Variants in MTOR observed in about 807,000 individuals in gnomAD.
MTOR encodes mechanistic target of rapamycin kinase, also known as serine/threonine-protein kinase mTOR.
MTOR carries 70 observed loss-of-function variants against 319.8 expected under a neutral mutation model. That is an observed-to-expected ratio of 0.22 (90% confidence interval 0.18 to 0.27). MTOR has a LOEUF of 0.27. Among genes scored for constraint, MTOR ranks in the 10% least tolerant of loss-of-function variants. The probability of loss-of-function intolerance (pLI) is 1.00; values close to 1 mark genes in which losing one functional copy is unlikely to be tolerated. For synonymous variants in MTOR, 1,183 were observed against 1,211.4 expected, an observed-to-expected ratio of 0.98 and a Z score of 0.49; for missense variants, 1,890 against 3,274.4, an observed-to-expected ratio of 0.58 and a Z score of 10.32.
intron 34 of MTOR, among the ~76,000 whole-genome samples, chr1:11,141,082 G>C (rs1200671166): frequency 2.7e-5 from 4 of 150,824 alleles, no homozygotes; most frequent in Non-Finnish European, 1.5e-5. Flanking sequence ...AGTATACACA[G>C]AAGGGGAAAT....
chr1:11,247,582 T>C (rs1649016502), intron 8 of MTOR, 43 bp downstream of exon 8: 2 of 1,573,522 alleles, frequency 1.3e-6, no homozygotes, highest in Non-Finnish European at 1.7e-6. Context: ...TGTTCCCTGT[T>C]TACCCTGAGA....
intron 28 of MTOR, among the ~76,000 whole-genome samples, chr1:11,197,017 G>A (rs1645809737): frequency 6.6e-6 from 1 of 152,066 alleles, no homozygotes; most frequent in African/African-American, 2.4e-5. Flanking sequence ...ATAAGAGTAG[G>A]AAAAATAAAA....
chr1:11,211,481 C>T (rs977125218), intron 23 of MTOR, among the ~76,000 whole-genome samples: 3 of 152,122 alleles, frequency 2.0e-5, no homozygotes, highest in African/African-American at 7.2e-5. Context: ...GATCCCTCTG[C>T]CTTAGCCTCC....
rs1162778859 is a variant in MTOR, at chr1:11,114,804, T to TCCAG, written c.7164+8_7164+9insCTGG. On this transcript the variant is annotated intron_variant, in intron 52 of 57. Transcript: ENST00000361445. ...ATTTGGAAGCAGCTCGTTCCCGATA[T>TCCAG]CCACTCACCTCCATAGCATTGGTCA... 1 of 1,613,774 alleles carries TCCAG rather than the reference T, an allele frequency of 6.2e-7. No homozygotes were observed. The highest frequency in any genetic ancestry group is 1.7e-5 in the Admixed American group (1 of 60,022).
At chr1:11,169,501 T>C (rs1163450928) in intron 28 of MTOR, among the ~76,000 whole-genome samples, 2 of 152,172 alleles carry the variant, frequency 1.3e-5, no homozygotes, top group Admixed American at 6.5e-5. Flanking sequence ...ATGGGGTTTT[T>C]CCCCATGTCA....
At chr1:11,143,098 G>A (rs963376272) in intron 34 of MTOR, among the ~76,000 whole-genome samples, 2 of 152,102 alleles carry the variant, frequency 1.3e-5, no homozygotes, top group African/African-American at 4.8e-5. Context: ...CAATGATTTC[G>A]AAAGTTAAAA....
intron 11 of MTOR, among the ~76,000 whole-genome samples, chr1:11,240,018 T>C (rs962952192): frequency 6.6e-6 from 1 of 151,918 alleles, no homozygotes; most frequent in Non-Finnish European, 1.5e-5. Context: ...TACAAAGAAG[T>C]GGAAAAGTGA....
At position 11,199,421 on chromosome 1, in the gene MTOR, C is replaced by T; in HGVS notation, c.4108-18G>A. 6.2e-7 allele frequency: 1 copy of T among 1,614,146 alleles called. No individual in the cohort carries two copies. Among genetic ancestry groups the T allele is most frequent in the Non-Finnish European group, 8.5e-7 (1 of 1,180,022 alleles). On this transcript the variant is annotated intron_variant, in intron 27 of 57. Transcript: ENST00000361445. The surrounding 1 kb of genome is among the most constrained non-coding windows in gnomAD (Gnocchi z 4.5). ...AGGGGGCCCTGGAGAAGAGCAAAAC[C>T]TCACAGCACAGGAAAATGGCAGATG...
intron 28 of MTOR, among the ~76,000 whole-genome samples, chr1:11,187,134 T>G (rs898682669): frequency 2.6e-5 from 4 of 152,190 alleles, no homozygotes; most frequent in Non-Finnish European, 5.9e-5. Context: ...GGTGAGCTAC[T>G]GGGAAGAATA....
intron 14 of MTOR, 59 bp from the exon 15 acceptor site, chr1:11,233,546 T>C: frequency 7.5e-7 from 1 of 1,340,832 alleles, no homozygotes; most frequent in Non-Finnish European, 1.1e-6. Flanking sequence ...AAACCTTTCT[T>C]TTATATAAGT....
intron 24 of MTOR, 91 bp from the exon 25 acceptor site, chr1:11,209,549 G>A: frequency 6.9e-7 from 1 of 1,446,466 alleles, no homozygotes; most frequent in Non-Finnish European, 9.4e-7. Flanking sequence ...GTGCAGACCT[G>A]GTAGAGCCAG....
chr1:11,109,184 C>G lies in MTOR; in HGVS notation c.7528+106G>C. The G allele has an allele frequency of 1.1e-6, 1 of 944,912 alleles. No individual in the cohort carries two copies. The highest frequency in any genetic ancestry group is 1.6e-6 in the Non-Finnish European group (1 of 609,674). The allele number at this position is 944,912 out of a possible 1,614,324, so 58.5% of individuals were successfully genotyped here. A position where few individuals can be genotyped will look rare whatever the true frequency, so the allele number is the denominator to read the frequency against. On this transcript the variant is annotated intron_variant, in intron 56 of 57. Coordinates refer to ENST00000361445, the MANE Select transcript of MTOR (RefSeq NM_004958.4). The surrounding 1 kb of genome is among the most constrained non-coding windows in gnomAD (Gnocchi z 4.0). ...GACACTCTTTGTCAGCTGCATGGTG[C>G]CAAAGCTCGTCACTAACACCACTGG...
At chr1:11,110,650 C>T (rs1218349458) in intron 54 of MTOR, among the ~76,000 whole-genome samples, 1 of 152,140 alleles carries the variant, frequency 6.6e-6, no homozygotes, top group Non-Finnish European at 1.5e-5. Flanking sequence ...CCTGCCTGGG[C>T]CTCCCAAAGT....
At chr1:11,146,618 C>G (rs1188767159) in intron 32 of MTOR, 58 bp downstream of exon 32, 2 of 1,370,480 alleles carry the variant, frequency 1.5e-6, no homozygotes, top group African/African-American at 2.8e-5. Flanking sequence ...GCACCGTGGG[C>G]TTAGAAGCAC....
At position 11,212,477 on chromosome 1, in the gene MTOR, A is replaced by G. The variant is rs1646343088; in HGVS notation, c.3399-3T>C. 1.1e-5 allele frequency: 17 copies of G among 1,611,936 alleles called. No individual in the cohort carries two copies. The highest frequency in any genetic ancestry group is 1.3e-5 in the African/African-American group (1 of 74,922). ...GGTCCACAGTCTCTAGCGCTGCCCT[A>G]CAACAATCACTAACATACAGTAACT... On this transcript the variant is annotated splice_polypyrimidine_tract_variant and splice_region_variant and intron_variant, in intron 22 of 57. Transcript: ENST00000361445. The surrounding 1 kb of genome is among the most constrained non-coding windows in gnomAD (Gnocchi z 4.1).
At chr1:11,200,956 A>G (rs1450061126) in intron 26 of MTOR, among the ~76,000 whole-genome samples, 2 of 151,680 alleles carry the variant, frequency 1.3e-5, no homozygotes, top group South Asian at 4.2e-4. Context: ...CAGAGTTTGC[A>G]GTGAGCCAAG....
At chr1:11,256,588 A>C (rs1182037313) in intron 4 of MTOR, among the ~76,000 whole-genome samples, 1 of 152,200 alleles carries the variant, frequency 6.6e-6, no homozygotes, top group Non-Finnish European at 1.5e-5. Context: ...GAAGAAACTG[A>C]AGGTCAGAAG....
At position 11,210,797 on chromosome 1, in the gene MTOR, AAAG is replaced by A. The variant is rs574760559; in HGVS notation, c.3654+14_3654+16del. 194 of 1,570,020 alleles carry A rather than the reference AAAG, an allele frequency of 1.2e-4. No homozygotes were observed. The African/African-American group carries it at 2.3e-3, about 18-fold the overall frequency. On this transcript the variant is annotated intron_variant, in intron 24 of 57. Coordinates refer to ENST00000361445, the MANE Select transcript of MTOR (RefSeq NM_004958.4). ...AAGACAACAGGGACTTCAGAACAGAAAAGAAGTATAGTTCACCTTGACAATTCT... is the reference window on the plus strand; with the variant it reads ...AAGACAACAGGGACTTCAGAACAGAAAAGTATAGTTCACCTTGACAATTCT...
In MTOR at chr1:11,129,544, C is replaced by T. The variant is rs759073561; in HGVS notation, c.5714+194G>A. Among the ~76,000 whole-genome samples the T allele has an allele frequency of 6.6e-6, 1 of 152,268 alleles. No individual in the cohort carries two copies. Among genetic ancestry groups the T allele is most frequent in the Admixed American group, 6.5e-5 (1 of 15,286 alleles). On this transcript the variant is annotated intron_variant, in intron 40 of 57. Coordinates refer to ENST00000361445, the MANE Select transcript of MTOR (RefSeq NM_004958.4). This position sits in a 1 kb window ranked among gnomAD's most constrained non-coding sequence, Gnocchi z 4.7. ...TCTCACTCCACTTCTCCTCCTCACTCTCTGTAGGTTTCACCCACACAGGTG... is the reference window on the plus strand; with the variant it reads ...TCTCACTCCACTTCTCCTCCTCACTTTCTGTAGGTTTCACCCACACAGGTG...
Sources: gnomAD v4.1 joint callset for allele counts (sites outside exome capture counted in the v4.1 genomes callset) on GRCh38, gnomAD v4.1.1 for gene constraint, Gnocchi (gnomAD v3.1) non-coding constraint, MANE v1.5 for transcripts, NCBI Gene and HGNC (gene_info 2026-07-23, HGNC 2026-07-21) for gene names.